VAV1: variants seen among roughly 807,000 people sequenced by gnomAD.
VAV1 encodes the protein proto-oncogene vav.
Under a neutral mutation model 128.1 loss-of-function variants are expected in VAV1, and 33 were observed. The ratio of observed to expected loss-of-function variants is 0.26; its 90% CI spans 0.20 to 0.34. The LOEUF is 0.34. Ranked by LOEUF, VAV1 falls within the 10% of genes least tolerant of loss-of-function variation. The pLI is 1.00. For synonymous variants in VAV1, 394 were observed against 409.8 expected (o/e 0.96, Z 0.47); for missense variants, 715 against 1,093.7 (o/e 0.65, Z 4.88).
chr19:6,832,639 C>T lies in VAV1; in HGVS notation c.1508+439C>T, dbSNP rs1180354291. On this transcript the variant is annotated intron_variant, in intron 15 of 26. Coordinates refer to ENST00000602142, the MANE Select transcript of VAV1 (RefSeq NM_005428.4). ...CTCCACCTCTTCTTCCTCCTCCTCC[C>T]TTTCCTCCCCTTCTTCCTCCTCCTC... Among the ~76,000 whole-genome samples, 167 of 90,818 alleles carry T rather than the reference C, an allele frequency of 1.8e-3. 1 individual carries two copies. Among genetic ancestry groups the T allele is most frequent in the Middle Eastern group, 6.8e-3 (1 of 146 alleles). 59.6% of individuals were successfully genotyped at this position (90,818 alleles called of 152,430 possible).
At chr19:6,848,203 G>C in intron 23 of VAV1, 89 bp downstream of exon 23, 3 of 1,280,178 alleles carry the variant, frequency 2.3e-6, no homozygotes, top group Non-Finnish European at 3.2e-6. Context: ...CTTTATAGAA[G>C]TGTACGGTAA....
chr19:6,800,069 G>C (rs910563615), intron 1 of VAV1, among the ~76,000 whole-genome samples: 1 of 151,638 alleles, frequency 6.6e-6, no homozygotes, highest in Non-Finnish European at 1.5e-5. Context: ...GAACTGAGGC[G>C]GGAGGATTGC....
chr19:6,827,997 C>A, intron 9 of VAV1, 79 bp from the exon 10 acceptor site: 1 of 1,261,140 alleles, frequency 7.9e-7, no homozygotes, highest in Non-Finnish European at 1.2e-6. Context: ...CGTATTTATT[C>A]AAATCTATCT....
intron 15 of VAV1, among the ~76,000 whole-genome samples, chr19:6,832,725 TTCC>T (rs201188879): frequency 0.016 from 2,364 of 148,006 alleles, 69 homozygotes; most frequent in African/African-American, 0.053. Flanking sequence ...CTTCTTCCTT[TTCC>T]TCCTCCTCCT....
intron 1 of VAV1, among the ~76,000 whole-genome samples, chr19:6,800,221 G>A (rs1358239194): frequency 1.3e-5 from 2 of 151,970 alleles, no homozygotes; most frequent in Non-Finnish European, 2.9e-5. Flanking sequence ...GTAATAACAA[G>A]GAAAACGTAC....
intron 1 of VAV1, among the ~76,000 whole-genome samples, chr19:6,800,779 G>A (rs1234663301): frequency 1.6e-5 from 2 of 123,228 alleles, no homozygotes; most frequent in Non-Finnish European, 3.4e-5. Context: ...CTGTCACCAC[G>A]CCTGGCAAAT....
At chr19:6,786,379 T>C (rs1299264832) in intron 1 of VAV1, among the ~76,000 whole-genome samples, 2 of 152,174 alleles carry the variant, frequency 1.3e-5, no homozygotes, top group Non-Finnish European at 2.9e-5. Flanking sequence ...GGAGGATCGC[T>C]TGAGCCCAGG....
intron 1 of VAV1, among the ~76,000 whole-genome samples, chr19:6,814,914 A>G (rs1199586297): frequency 6.6e-6 from 1 of 151,672 alleles, no homozygotes; most frequent in Non-Finnish European, 1.5e-5. Context: ...CAGGTTACAG[A>G]AGTTCCCTTC....
chr19:6,822,418 G>A lies in VAV1; in HGVS notation c.559-1G>A. The A allele has an allele frequency of 6.4e-7, 1 of 1,559,964 alleles. No individual in the cohort carries two copies. ...ACACCGGCCTCTCCCCTCGCTCTCA[G>A]CCCAAGATGACAGAGTATGACAAGC... On this transcript the variant is annotated splice_acceptor_variant, in intron 5 of 26. Coordinates refer to ENST00000602142, the MANE Select transcript of VAV1 (RefSeq NM_005428.4). LOFTEE classifies it high-confidence loss of function. The surrounding 1 kb of genome is among the most constrained non-coding windows in gnomAD (Gnocchi z 5.9).
chr19:6,778,229 C>T (rs1003401352), intron 1 of VAV1, among the ~76,000 whole-genome samples: 7 of 152,156 alleles, frequency 4.6e-5, no homozygotes, highest in Non-Finnish European at 5.9e-5. Context: ...TAAGCCACCA[C>T]GCCCAGACAC....
Position 6,850,781 on chromosome 19 carries a change from C to A in VAV1, c.2217+24C>A, listed in dbSNP as rs761462726. ...CGGTAAGGGTCAATGTCCGCTCAAT[C>A]CCAGCTTTCCAGAACCTAGGAGGAC... is the stretch of plus-strand genomic sequence containing the variant. On this transcript the variant is annotated intron_variant, in intron 24 of 26. Transcript: ENST00000602142. 3 of 1,612,242 alleles carry A rather than the reference C, an allele frequency of 1.9e-6. No homozygotes were observed. In the African/African-American group the frequency reaches 4.0e-5, roughly 22 times the overall value.
chr19:6,829,961 G>C (rs754213569), intron 14 of VAV1, 43 bp downstream of exon 14: 5 of 1,612,814 alleles, frequency 3.1e-6, no homozygotes, highest in Non-Finnish European at 3.4e-6. Flanking sequence ...CCACGCAGTC[G>C]GCAGCTTAGC....
chr19:6,777,645 T>A lies in VAV1; in HGVS notation c.204+4634T>A, dbSNP rs1970676447. ...TAGGAGCCAGTCAGTGCCTGTATGT[T>A]CAGGGCAGTGACTGGCCCAGCTGGT... On this transcript the variant is annotated intron_variant, in intron 1 of 26. Coordinates refer to ENST00000602142, the MANE Select transcript of VAV1 (RefSeq NM_005428.4). The surrounding 1 kb of genome is among the most constrained non-coding windows in gnomAD (Gnocchi z 4.4). 6.6e-6 allele frequency among the ~76,000 whole-genome samples: 1 copy of A among 152,108 alleles called. No homozygotes were observed. The highest frequency in any genetic ancestry group is 6.6e-5 in the Admixed American group (1 of 15,256).
chr19:6,831,343 C>T (rs566111019), intron 14 of VAV1, among the ~76,000 whole-genome samples: 1 of 152,058 alleles, frequency 6.6e-6, no homozygotes, highest in African/African-American at 2.4e-5. Context: ...GACGGAGCCT[C>T]GCTCTGTCAC....
chr19:6,834,266 T>G (rs1488587287), intron 19 of VAV1, among the ~76,000 whole-genome samples: 1 of 151,544 alleles, frequency 6.6e-6, no homozygotes. Context: ...TTTCTGGAGA[T>G]GGAGTCTTGC....
At chr19:6,795,829 G>T (rs968770455) in intron 1 of VAV1, among the ~76,000 whole-genome samples, 1 of 152,126 alleles carries the variant, frequency 6.6e-6, no homozygotes, top group African/African-American at 2.4e-5. Flanking sequence ...GACTACAGGC[G>T]CGTGCCACCG....
intron 24 of VAV1, among the ~76,000 whole-genome samples, chr19:6,851,343 T>TA (rs949104250): frequency 6.8e-6 from 1 of 147,674 alleles, no homozygotes. Context: ...TGGCTAATTT[T>TA]AAAAAAAAAT....
intron 21 of VAV1, among the ~76,000 whole-genome samples, chr19:6,838,111 C>CTATCTATA (rs1213798606): frequency 6.6e-6 from 1 of 151,114 alleles, no homozygotes; most frequent in Admixed American, 6.6e-5. Flanking sequence ...ATCTATCTAT[C>CTATCTATA]TATCTATCTA....
intron 1 of VAV1, among the ~76,000 whole-genome samples, chr19:6,812,830 AATGATG>A (rs150696527): frequency 3.3e-5 from 5 of 151,438 alleles, no homozygotes; most frequent in African/African-American, 4.9e-5. Flanking sequence ...TGGTGGTGAT[AATGATG>A]ATGATGATGA....
Sources: allele counts gnomAD v4.1 joint callset (sites outside exome capture counted in the v4.1 genomes callset), GRCh38; gene constraint gnomAD v4.1.1; non-coding constraint Gnocchi (gnomAD v3.1); transcripts MANE v1.5; gene names NCBI Gene and HGNC (gene_info 2026-07-23, HGNC 2026-07-21).